SDK1: variants seen among roughly 807,000 people sequenced by gnomAD.
The protein encoded by SDK1 is sidekick cell adhesion molecule 1.
Under a neutral mutation model 245.5 loss-of-function variants are expected in SDK1, and 157 were observed. The observed-to-expected ratio is 0.64, with a 90% CI of 0.56 to 0.73. The LOEUF (loss-of-function observed/expected upper bound fraction) is 0.73, where lower values mean the gene tolerates loss of function less well. SDK1 is among the 30% of genes least tolerant of loss of function. The probability of loss-of-function intolerance (pLI) is 0.00; values close to 1 mark genes in which losing one functional copy is unlikely to be tolerated. For synonymous variants in SDK1, 1,647 were observed against 1,278.5 expected (o/e 1.29, Z -6.15); for missense variants, 3,583 against 3,002.3 (o/e 1.19, Z -4.52).
At chr7:3,324,947 A>G (rs2128548819) in intron 1 of SDK1, among the ~76,000 whole-genome samples, 2 of 152,276 alleles carry the variant, frequency 1.3e-5, no homozygotes, top group South Asian at 4.1e-4. Context: ...TATTTTTAAC[A>G]GAGGACAAGC....
chr7:4,239,520 A>G (rs921058441), intron 42 of SDK1, among the ~76,000 whole-genome samples: 3 of 152,238 alleles, frequency 2.0e-5, no homozygotes, highest in Non-Finnish European at 4.4e-5. Flanking sequence ...ACTGACTGCT[A>G]GACCGCAGCC....
intron 1 of SDK1, among the ~76,000 whole-genome samples, chr7:3,408,692 T>C (rs772381500): frequency 1.2e-4 from 18 of 152,226 alleles, no homozygotes; most frequent in Admixed American, 3.9e-4. Flanking sequence ...ATTAACTGTT[T>C]ATTTTTTATA....
chr7:3,397,267 A>C (rs1362467997), intron 1 of SDK1, among the ~76,000 whole-genome samples: 1 of 151,972 alleles, frequency 6.6e-6, no homozygotes, highest in Non-Finnish European at 1.5e-5. Flanking sequence ...TGTATTTTAT[A>C]TTTACCTATT....
At chr7:3,671,942 C>G (rs943503319) in intron 4 of SDK1, among the ~76,000 whole-genome samples, 3 of 152,162 alleles carry the variant, frequency 2.0e-5, no homozygotes, top group African/African-American at 7.2e-5. Flanking sequence ...CTGAACTTGA[C>G]TTATCCCTTT....
chr7:3,490,661 A>T (rs1453734627), intron 1 of SDK1, among the ~76,000 whole-genome samples: 1 of 152,224 alleles, frequency 6.6e-6, no homozygotes, highest in Non-Finnish European at 1.5e-5. Context: ...AGACTAATTG[A>T]AATGGTTGAA....
chr7:4,021,515 T>A (rs1786893344), intron 17 of SDK1, among the ~76,000 whole-genome samples: 1 of 152,176 alleles, frequency 6.6e-6, no homozygotes, highest in Non-Finnish European at 1.5e-5. Context: ...GGTGGGGCAG[T>A]CATAGCAGCA....
chr7:3,882,096 A>G (rs138275584), intron 5 of SDK1, among the ~76,000 whole-genome samples: 12 of 152,338 alleles, frequency 7.9e-5, no homozygotes, highest in African/African-American at 2.9e-4. Flanking sequence ...AACGAGAGCC[A>G]AGTGAAAGGG....
At chr7:3,712,412 T>C (rs1284590313) in intron 4 of SDK1, among the ~76,000 whole-genome samples, 1 of 152,204 alleles carries the variant, frequency 6.6e-6, no homozygotes, top group Non-Finnish European at 1.5e-5. Flanking sequence ...CTTCCACTGA[T>C]TCTGCGTTAT....
chr7:3,392,833 G>A (rs905382571), intron 1 of SDK1, among the ~76,000 whole-genome samples: 7 of 152,020 alleles, frequency 4.6e-5, no homozygotes, highest in South Asian at 2.1e-4. Context: ...CAGTGTATGC[G>A]TATATCGCAT....
At chr7:3,785,379 G>A (rs1398317199) in intron 4 of SDK1, among the ~76,000 whole-genome samples, 2 of 152,094 alleles carry the variant, frequency 1.3e-5, no homozygotes, top group African/African-American at 4.8e-5. Context: ...TATGTGAGCT[G>A]ATGGATATGT....
chr7:3,448,682 CTTA>C (rs1263570189), intron 1 of SDK1, among the ~76,000 whole-genome samples: 15 of 152,084 alleles, frequency 9.9e-5, no homozygotes, highest in African/African-American at 3.4e-4. Flanking sequence ...TATCTAGCCA[CTTA>C]TTATGCTAAT....
At chr7:3,762,547 T>C (rs1333885463) in intron 4 of SDK1, among the ~76,000 whole-genome samples, 3 of 152,196 alleles carry the variant, frequency 2.0e-5, no homozygotes, top group Non-Finnish European at 4.4e-5. Context: ...TGAGGGAAAA[T>C]TGTGCTTTGG....
rs560679482 is a variant in SDK1, at chr7:3,482,142, G to A, written c.299-136938G>A. On this transcript the variant is annotated intron_variant, in intron 1 of 44. Coordinates refer to ENST00000404826, the MANE Select transcript of SDK1 (RefSeq NM_152744.4). ...GAATAAAATAGGGTAATACTGGTGT[G>A]TAAAAAACACATAGTTTTACAGTCT... Among the ~76,000 whole-genome samples, 15 of 152,310 alleles carry A rather than the reference G, an allele frequency of 9.8e-5. No individual in the cohort carries two copies. The South Asian group carries it at 2.3e-3, about 23-fold the overall frequency.
chr7:4,217,232 G>A (rs1017347150), intron 38 of SDK1, among the ~76,000 whole-genome samples: 6 of 105,306 alleles, frequency 5.7e-5, no homozygotes, highest in African/African-American at 1.2e-4. Context: ...CAGGCCACCT[G>A]GAGCACCAGG....
chr7:3,463,776 C>G (rs1482611465), intron 1 of SDK1, among the ~76,000 whole-genome samples: 1 of 152,150 alleles, frequency 6.6e-6, no homozygotes, highest in African/African-American at 2.4e-5. Flanking sequence ...ATTTCTCTGC[C>G]TTAGTGTCTG....
At position 3,401,497 on chromosome 7, in the gene SDK1, A is replaced by G. The variant is rs1347620564; in HGVS notation, c.298+99613A>G. On this transcript the variant is annotated intron_variant, in intron 1 of 44. Transcript: ENST00000404826. ...CCAAACTATTCCATGTATGGAACCC[A>G]TAGGACTTCATAATTTTATGGTTTG... 2.0e-5 allele frequency among the ~76,000 whole-genome samples: 3 copies of G among 152,134 alleles called. No individual in the cohort carries two copies. In the East Asian group the frequency reaches 5.8e-4, roughly 29 times the overall value.
intron 1 of SDK1, among the ~76,000 whole-genome samples, chr7:3,495,275 T>TTTTG (rs1781989824): frequency 6.8e-6 from 1 of 147,458 alleles, no homozygotes; most frequent in African/African-American, 2.5e-5. Flanking sequence ...TTTTTTTTTT[T>TTTTG]GAAGCGGAGT....
intron 4 of SDK1, among the ~76,000 whole-genome samples, chr7:3,686,821 C>T (rs1388425974): frequency 6.6e-5 from 10 of 152,090 alleles, no homozygotes; most frequent in Admixed American, 6.6e-4. Context: ...TTCTCAGGAT[C>T]CCTGTGGATT....
chr7:3,439,868 A>G (rs914083957), intron 1 of SDK1, among the ~76,000 whole-genome samples: 7 of 152,208 alleles, frequency 4.6e-5, no homozygotes, highest in African/African-American at 1.7e-4. Flanking sequence ...TGCTGTCCTC[A>G]GATGCCCTGA....
Sources: gnomAD v4.1 joint callset for allele counts (sites outside exome capture counted in the v4.1 genomes callset) on GRCh38, gnomAD v4.1.1 for gene constraint, MANE v1.5 for transcripts, NCBI Gene and HGNC (gene_info 2026-07-23, HGNC 2026-07-21) for gene names.